Variants in RAVER2 observed in about 807,000 individuals in gnomAD.
The protein encoded by RAVER2 is ribonucleoprotein PTB-binding 2.
A neutral mutation model predicts 78.1 loss-of-function variants in RAVER2; 46 were observed. That is an observed-to-expected ratio of 0.59 (90% CI 0.46 to 0.75). The LOEUF (loss-of-function observed/expected upper bound fraction) is 0.75, where lower values mean the gene tolerates loss of function less well. Ranked by LOEUF, RAVER2 falls within the 30% of genes least tolerant of loss-of-function variation. The pLI is 0.00. For synonymous variants in RAVER2, 311 were observed against 313.3 expected, an observed-to-expected ratio of 0.99 and a Z score of 0.08; for missense variants, 793 against 837.5, an observed-to-expected ratio of 0.95 and a Z score of 0.66.
chr1:64,809,625 A>G (rs972238822), intron 9 of RAVER2, among the ~76,000 whole-genome samples: 1 of 152,164 alleles, frequency 6.6e-6, no homozygotes, highest in African/African-American at 2.4e-5. Flanking sequence ...ATAACATACA[A>G]TTTACCATTT....
rs553200700 is a variant in RAVER2 at position 64,749,206 on chromosome 1, T to TTTTG, written c.249+3801_249+3804dup. ...TTTCTGATTAGTCTTGCATTGGATT[T>TTTTG]TTTGTTTGTTTGTTTGTTTTTTGAG... On this transcript the variant is annotated intron_variant, in intron 1 of 11. Coordinates refer to ENST00000294428, the Ensembl canonical transcript of RAVER2. Among the ~76,000 whole-genome samples, 26 of 151,952 alleles carry TTTTG rather than the reference T, an allele frequency of 1.7e-4. No homozygotes were observed. In the East Asian group the frequency reaches 2.7e-3, roughly 16 times the overall value.
exon 12 of RAVER2, chr1:64,831,660 A>G (rs145621021): frequency 6.6e-6 from 1 of 152,326 alleles, no homozygotes; most frequent in East Asian, 1.9e-4. Context: ...TGGTGATCTA[A>G]TAAAAGGGTT....
At chr1:64,827,209 C>T (rs986240949) in intron 11 of RAVER2, among the ~76,000 whole-genome samples, 4 of 152,046 alleles carry the variant, frequency 2.6e-5, no homozygotes, top group African/African-American at 4.8e-5. Flanking sequence ...ATTTCTCTTT[C>T]GATTTTGTTT....
chr1:64,794,140 G>T (rs557740420), intron 5 of RAVER2, among the ~76,000 whole-genome samples: 1 of 152,138 alleles, frequency 6.6e-6, no homozygotes. Flanking sequence ...GCCAGGCGCA[G>T]TGGCTCATGC....
chr1:64,773,163 G>A (rs1652366627), intron 2 of RAVER2, among the ~76,000 whole-genome samples: 1 of 151,892 alleles, frequency 6.6e-6, no homozygotes, highest in Admixed American at 6.6e-5. Flanking sequence ...GCTAAAATAG[G>A]GAATAAAGGA....
At chr1:64,759,283 G>T (rs748614002) in intron 1 of RAVER2, among the ~76,000 whole-genome samples, 3 of 151,694 alleles carry the variant, frequency 2.0e-5, no homozygotes, top group Non-Finnish European at 2.9e-5. Context: ...GCAGTGGCGC[G>T]ATCTTGGCTA....
intron 1 of RAVER2, among the ~76,000 whole-genome samples, chr1:64,762,793 G>T (rs1385338167): frequency 7.2e-5 from 11 of 152,152 alleles, no homozygotes; most frequent in Admixed American, 7.2e-4. Context: ...AGAAAAGATA[G>T]ATCAGTGTCT....
intron 11 of RAVER2, among the ~76,000 whole-genome samples, chr1:64,829,446 A>G (rs945845852): frequency 4.6e-5 from 7 of 152,228 alleles, no homozygotes; most frequent in African/African-American, 1.7e-4. Flanking sequence ...ACATTCAGAA[A>G]GATCACCTAC....
rs776769800 is a variant in RAVER2 at position 64,768,664 on chromosome 1, T to C, written c.258T>C (p.His86=). Residue 86 remains histidine, a synonymous_variant, in exon 2 of 12, where the codon CAT becomes CAC. Coordinates refer to ENST00000294428, the Ensembl canonical transcript of RAVER2. ...GTTTTTTTCTCTTTCAGGAAGTTCATGATTTGTTAAAAGACTATGACTTAA... is the reference window on the plus strand; with the variant it reads ...GTTTTTTTCTCTTTCAGGAAGTTCACGATTTGTTAAAAGACTATGACTTAA... 17 of 1,557,976 alleles carry C rather than the reference T, an allele frequency of 1.1e-5. No homozygotes were observed. The South Asian group carries it at 1.9e-4, about 18-fold the overall frequency.
intron 1 of RAVER2, among the ~76,000 whole-genome samples, chr1:64,766,629 C>T (rs1652182963): frequency 6.6e-6 from 1 of 152,142 alleles, no homozygotes; most frequent in Non-Finnish European, 1.5e-5. Context: ...TTAGGTAATT[C>T]TCTTAGCTGA....
At chr1:64,766,089 G>A (rs997022995) in intron 1 of RAVER2, among the ~76,000 whole-genome samples, 6 of 152,152 alleles carry the variant, frequency 3.9e-5, no homozygotes, top group Non-Finnish European at 8.8e-5. Context: ...CATTTCATAT[G>A]TGCAAAACTT....
exon 12 of RAVER2, chr1:64,833,095 T>TTGTG (rs1553157366): frequency 5.9e-6 from 1 of 168,594 alleles, no homozygotes; most frequent in Non-Finnish European, 1.3e-5. Context: ...CAAGTGGTGT[T>TTGTG]TGTTTGTTTG....
At chr1:64,768,307 G>C (rs1424565317) in intron 1 of RAVER2, among the ~76,000 whole-genome samples, 2 of 151,952 alleles carry the variant, frequency 1.3e-5, no homozygotes, top group African/African-American at 4.8e-5. Context: ...CATTTGAGCT[G>C]AGATTTCATA....
Position 64,745,543 on chromosome 1 carries a change from G to C in RAVER2, c.249+122G>C. On this transcript the variant is annotated intron_variant, in intron 1 of 11. Transcript: ENST00000294428. This position sits in a 1 kb window ranked among gnomAD's most constrained non-coding sequence, Gnocchi z 4.3. ...GGAGTGGGTCGGCGCCGAGTGGTGA[G>C]AGCGGCCCCTCGGTTTGACTGAGTT... 8.1e-7 allele frequency: 1 copy of C among 1,238,140 alleles called. No homozygotes were observed. The allele number at this position is 1,238,140 out of a possible 1,614,324, so 76.7% of individuals were successfully genotyped here. A position where few individuals can be genotyped will look rare whatever the true frequency, so the allele number is the denominator to read the frequency against.
intron 11 of RAVER2, among the ~76,000 whole-genome samples, chr1:64,824,098 C>T (rs930716163): frequency 3.3e-5 from 5 of 152,192 alleles, no homozygotes; most frequent in Admixed American, 2.0e-4. Context: ...TGTGCCACCG[C>T]GCCCGGCCTG....
chr1:64,763,915 A>AAAACACACACAC (rs752884983), intron 1 of RAVER2, among the ~76,000 whole-genome samples: 1 of 75,288 alleles, frequency 1.3e-5, no homozygotes, highest in African/African-American at 6.3e-5. Context: ...AAAAAACAAA[A>AAAACACACACAC]ATACACACAC....
chr1:64,745,156 G>T lies in RAVER2; in HGVS notation c.-17G>T, dbSNP rs550163082. On this transcript the variant is annotated 5_prime_UTR_variant, in exon 1 of 12. Transcript: ENST00000294428. The surrounding 1 kb of genome is among the most constrained non-coding windows in gnomAD (Gnocchi z 4.3). Reference sequence around the variant, plus strand: ...TGGAGCCTCCGAGGAGTCCGCAGCCGCTGGGCGCCCGGGAAGATGGCGGCG... The same window carrying T: ...TGGAGCCTCCGAGGAGTCCGCAGCCTCTGGGCGCCCGGGAAGATGGCGGCG... 3.1e-4 allele frequency: 317 copies of T among 1,017,782 alleles called. 2 individuals are homozygous for T. In the African/African-American group the frequency reaches 5.2e-3, roughly 17 times the overall value. The allele number at this position is 1,017,782 out of a possible 1,614,324, so 63.0% of individuals were successfully genotyped here. A position where few individuals can be genotyped will look rare whatever the true frequency, so the allele number is the denominator to read the frequency against.
At chr1:64,786,879 T>C (rs1652795380) in intron 4 of RAVER2, among the ~76,000 whole-genome samples, 1 of 152,216 alleles carries the variant, frequency 6.6e-6, no homozygotes, top group Non-Finnish European at 1.5e-5. Context: ...TAAATGTTAA[T>C]AATAATGCTT....
chr1:64,822,055 T>C (rs1213636077), intron 11 of RAVER2, among the ~76,000 whole-genome samples: 1 of 152,098 alleles, frequency 6.6e-6, no homozygotes, highest in African/African-American at 2.4e-5. Flanking sequence ...TGGGAGGCCA[T>C]GGCGGGCGGA....
Sources: gnomAD v4.1 joint callset for allele counts (sites outside exome capture counted in the v4.1 genomes callset) on GRCh38, gnomAD v4.1.1 for gene constraint, Gnocchi (gnomAD v3.1) non-coding constraint, MANE v1.5 for transcripts, NCBI Gene and HGNC (gene_info 2026-07-23, HGNC 2026-07-21) for gene names.